Variants in KCNG3 observed in about 807,000 individuals in gnomAD.
KCNG3 encodes the protein voltage-gated potassium channel regulatory subunit KCNG3.
Under a neutral mutation model 29.0 loss-of-function variants are expected in KCNG3, and 15 were observed. The ratio of observed to expected loss-of-function variants is 0.52; its 90% CI spans 0.35 to 0.80. The LOEUF (loss-of-function observed/expected upper bound fraction) is 0.80, where lower values mean the gene tolerates loss of function less well. Ranked by LOEUF, KCNG3 falls within the 30% of genes least tolerant of loss-of-function variation. KCNG3 has a pLI of 0.01. For missense variants in KCNG3, 512 were observed against 605.7 expected, an observed-to-expected ratio of 0.85 and a Z score of 1.62; for synonymous variants, 322 against 248.9, an observed-to-expected ratio of 1.29 and a Z score of -2.76.
intron 1 of KCNG3, among the ~76,000 whole-genome samples, chr2:42,447,662 G>A (rs1019929992): frequency 2.6e-5 from 4 of 151,690 alleles, no homozygotes; most frequent in Admixed American, 6.6e-5. Flanking sequence ...ACTAAGGCAC[G>A]TACCACCACA....
At chr2:42,432,848 A>G in the KCNG3 span, among the ~76,000 whole-genome samples, 1 of 151,584 alleles carries the variant, frequency 6.6e-6, no homozygotes, top group South Asian at 2.1e-4. Flanking sequence ...AACAAAATGT[A>G]TTTCCTGATA....
chr2:42,481,555 C>A (rs890466266), intron 1 of KCNG3, among the ~76,000 whole-genome samples: 3 of 152,174 alleles, frequency 2.0e-5, no homozygotes, highest in Non-Finnish European at 4.4e-5. Flanking sequence ...TCAAAACCCA[C>A]ATTCAGATAT....
intron 1 of KCNG3, among the ~76,000 whole-genome samples, chr2:42,454,574 TG>T (rs2103678725): frequency 6.6e-6 from 1 of 152,068 alleles, no homozygotes; most frequent in African/African-American, 2.4e-5. Context: ...TAGCCAGGCG[TG>T]GTAGTGGGTG....
the KCNG3 span, among the ~76,000 whole-genome samples, chr2:42,397,178 A>T: frequency 6.6e-6 from 1 of 151,600 alleles, no homozygotes; most frequent in East Asian, 1.9e-4. Context: ...CCGGAGGTGG[A>T]GGTTACAGCG....
the KCNG3 span, among the ~76,000 whole-genome samples, chr2:42,428,471 A>AG: frequency 1.3e-5 from 2 of 148,814 alleles, no homozygotes; most frequent in East Asian, 3.9e-4. Flanking sequence ...AAAAAAAAAA[A>AG]AAAAAAAGAA....
At chr2:42,408,948 G>A in the KCNG3 span, among the ~76,000 whole-genome samples, 39 of 152,154 alleles carry the variant, frequency 2.6e-4, no homozygotes, top group Middle Eastern at 3.4e-3. Flanking sequence ...CTTGTTCCCC[G>A]ATGCAAGCCA....
At position 42,493,409 on chromosome 2, in the gene KCNG3, C is replaced by T. The variant is rs1232022253; in HGVS notation, c.93G>A (p.Pro31=). 5 of 1,514,562 alleles carry T rather than the reference C, an allele frequency of 3.3e-6. No individual in the cohort carries two copies. The highest frequency in any genetic ancestry group is 3.5e-6 in the Non-Finnish European group (4 of 1,133,788). The allele number at this position is 1,514,562 out of a possible 1,614,324, so 93.8% of individuals were successfully genotyped here. A position where few individuals can be genotyped will look rare whatever the true frequency, so the allele number is the denominator to read the frequency against. ...SLSRELLKDF[P]LRRVSRLHGC... is the part of the protein sequence containing the mutation. The stretch of plus-strand genomic sequence containing the variant: ...CGTGCAGCCGGCTCACGCGGCGCAG[C>T]GGGAAGTCCTTCAGCAGCTCCCGGG... The change falls in exon 1 of 2, where the codon CCG becomes CCA. Residue 31 remains proline (P), a synonymous_variant. Coordinates refer to ENST00000306078, the MANE Select transcript of KCNG3 (RefSeq NM_133329.6).
At position 42,483,861 on chromosome 2, in the gene KCNG3, G is replaced by T. The variant is rs140970330; in HGVS notation, c.665+8976C>A. Among the ~76,000 whole-genome samples the T allele has an allele frequency of 7.9e-5, 12 of 152,026 alleles. No individual in the cohort carries two copies. The South Asian group carries it at 1.5e-3, about 18-fold the overall frequency. On this transcript the variant is annotated intron_variant, in intron 1 of 1. Transcript: ENST00000306078. ...AGCTGGAGTGCAGTGCCACAATCAC[G>T]GCTCATTGCAGCCTCTAACTTCTAG...
the KCNG3 span, among the ~76,000 whole-genome samples, chr2:42,402,742 T>C: frequency 4.6e-5 from 7 of 152,240 alleles, no homozygotes; most frequent in Non-Finnish European, 1.0e-4. Context: ...GGGCTCTTTG[T>C]TCTGTTCCAC....
chr2:42,434,540 G>A, the KCNG3 span, among the ~76,000 whole-genome samples: 1 of 146,020 alleles, frequency 6.8e-6, no homozygotes, highest in African/African-American at 2.5e-5. Context: ...AGAAATACAA[G>A]GGACCCAGAA....
the KCNG3 span, among the ~76,000 whole-genome samples, chr2:42,412,671 T>C: frequency 6.6e-6 from 1 of 152,228 alleles, no homozygotes; most frequent in Non-Finnish European, 1.5e-5. Context: ...AAATGTTATT[T>C]GGCCTGATAA....
chr2:42,392,922 G>C, the KCNG3 span, among the ~76,000 whole-genome samples: 1 of 152,052 alleles, frequency 6.6e-6, no homozygotes, highest in Non-Finnish European at 1.5e-5. Flanking sequence ...ACTGTCTATG[G>C]GAGTATTGGG....
chr2:42,444,633 G>C lies in KCNG3; in HGVS notation c.666-54C>G, dbSNP rs569853716. The C allele has an allele frequency of 6.7e-7, 1 of 1,483,166 alleles. No individual in the cohort carries two copies. Among genetic ancestry groups the C allele is most frequent in the African/African-American group, 1.4e-5 (1 of 71,608 alleles). 91.9% of individuals were successfully genotyped at this position (1,483,166 alleles called of 1,614,324 possible). A position where few individuals can be genotyped will look rare whatever the true frequency, so the allele number is the denominator to read the frequency against. On this transcript the variant is annotated intron_variant, in intron 1 of 1. Coordinates refer to ENST00000306078, the MANE Select transcript of KCNG3 (RefSeq NM_133329.6). This position sits in a 1 kb window ranked among gnomAD's most constrained non-coding sequence, Gnocchi z 5.8. ...CATTTTATTTTTAAGCATTTTAATA[G>C]CTCTTAGATTTCTTCAGATAGTACT... is the stretch of plus-strand genomic sequence containing the variant.
the KCNG3 span, among the ~76,000 whole-genome samples, chr2:42,405,683 C>T: frequency 1.3e-5 from 2 of 152,256 alleles, no homozygotes; most frequent in East Asian, 3.9e-4. Flanking sequence ...TCTCAGCTCA[C>T]TGAAAGCTCC....
At chr2:42,480,500 A>AC (rs1263337217) in intron 1 of KCNG3, among the ~76,000 whole-genome samples, 1 of 152,152 alleles carries the variant, frequency 6.6e-6, no homozygotes, top group African/African-American at 2.4e-5. Flanking sequence ...GCAACTACCC[A>AC]CCTCTGCCAA....
the KCNG3 span, among the ~76,000 whole-genome samples, chr2:42,426,785 A>C: frequency 1.3e-5 from 2 of 152,214 alleles, no homozygotes; most frequent in East Asian, 3.8e-4. Flanking sequence ...AGGTGCATGG[A>C]AAGAACAGTA....
chr2:42,434,621 G>A, the KCNG3 span, among the ~76,000 whole-genome samples: 1 of 128,866 alleles, frequency 7.8e-6, no homozygotes, highest in Non-Finnish European at 1.5e-5. Context: ...AGCCGAGATC[G>A]CACCGCTTCA....
chr2:42,403,135 T>C, the KCNG3 span, among the ~76,000 whole-genome samples: 5 of 152,216 alleles, frequency 3.3e-5, no homozygotes, highest in African/African-American at 9.6e-5. Flanking sequence ...CTCTCTCTTA[T>C]TGTTTATGTG....
chr2:42,426,647 T>C, the KCNG3 span, among the ~76,000 whole-genome samples: 1 of 152,230 alleles, frequency 6.6e-6, no homozygotes, highest in Non-Finnish European at 1.5e-5. Context: ...AACACACACA[T>C]ATTATTTTTT....
Sources: allele counts gnomAD v4.1 joint callset (sites outside exome capture counted in the v4.1 genomes callset), GRCh38; gene constraint gnomAD v4.1.1; non-coding constraint Gnocchi (gnomAD v3.1); transcripts MANE v1.5; gene names NCBI Gene and HGNC (gene_info 2026-07-23, HGNC 2026-07-21).